The following FGF14 variants were observed in gnomAD, a reference collection of about 807,000 sequenced individuals.
FGF14 encodes fibroblast growth factor homologous factor 4.
A neutral mutation model predicts 25.5 loss-of-function variants in FGF14; 5 were observed. The ratio of observed to expected loss-of-function variants is 0.20; its 90% CI spans 0.10 to 0.41. The LOEUF (loss-of-function observed/expected upper bound fraction) is 0.41, where lower values mean the gene tolerates loss of function less well. Among genes scored for constraint, FGF14 ranks in the 10% least tolerant of loss-of-function variants. The probability of loss-of-function intolerance (pLI) is 1.00; values close to 1 mark genes in which losing one functional copy is unlikely to be tolerated. For synonymous variants in FGF14, 138 were observed against 118.3 expected (o/e 1.17, Z -1.08); for missense variants, 222 against 320.1 (o/e 0.69, Z 2.34).
At chr13:102,289,855 G>A (rs2054290148) in intron 1 of FGF14, among the ~76,000 whole-genome samples, 1 of 152,062 alleles carries the variant, frequency 6.6e-6, no homozygotes, top group African/African-American at 2.4e-5. Context: ...CCTTGTTCGT[G>A]TGTGAATGAT....
chr13:102,051,271 T>C (rs1229460411), intron 1 of FGF14, among the ~76,000 whole-genome samples: 1 of 152,192 alleles, frequency 6.6e-6, no homozygotes, highest in Non-Finnish European at 1.5e-5. Context: ...GTGATCTCAT[T>C]TCCAGATCTC....
chr13:102,159,641 T>C (rs1460673021), intron 1 of FGF14, among the ~76,000 whole-genome samples: 5 of 152,192 alleles, frequency 3.3e-5, no homozygotes, highest in Admixed American at 6.5e-5. Flanking sequence ...CTTATTGCCT[T>C]ATGAGATCCT....
At chr13:101,985,778 C>A (rs2038541173) in intron 1 of FGF14, among the ~76,000 whole-genome samples, 1 of 152,008 alleles carries the variant, frequency 6.6e-6, no homozygotes, top group South Asian at 2.1e-4. Flanking sequence ...AAACTATAAA[C>A]TGAATAAGCT....
At chr13:101,757,053 G>A (rs1217541088) in intron 3 of FGF14, among the ~76,000 whole-genome samples, 1 of 152,080 alleles carries the variant, frequency 6.6e-6, no homozygotes, top group Non-Finnish European at 1.5e-5. Context: ...TTTAGCAGAG[G>A]AGTTATAACA....
At position 102,326,746 on chromosome 13, in the gene FGF14, GGAAGGAAAGAGGGAGGGAAGGAAGGAAGA is replaced by G. The variant is rs1344759103; in HGVS notation, c.208+74696_208+74724del. Among the ~76,000 whole-genome samples, 223 of 93,932 alleles carry G rather than the reference GGAAGGAAAGAGGGAGGGAAGGAAGGAAGA, an allele frequency of 2.4e-3. 7 individuals are homozygous for G. The highest frequency in any genetic ancestry group is 8.5e-3 in the African/African-American group (196 of 22,994). The allele number at this position is 93,932 out of a possible 152,430, so 61.6% of individuals were successfully genotyped here. A position where few individuals can be genotyped will look rare whatever the true frequency, so the allele number is the denominator to read the frequency against. On this transcript the variant is annotated intron_variant, in intron 1 of 4. Coordinates refer to the FGF14 transcript ENST00000376131. ...AGGAAGGAAGGAAGGAAGGAAGGAA[GGAAGGAAAGAGGGAGGGAAGGAAGGAAGA>G]AAAAAAAGGAAGGAAGGAAGGAAGG...
intron 1 of FGF14, among the ~76,000 whole-genome samples, chr13:102,026,760 TC>T (rs1208944757): frequency 6.6e-6 from 1 of 151,990 alleles, no homozygotes; most frequent in Non-Finnish European, 1.5e-5. Context: ...ACTTTAATTT[TC>T]CCTTATTTTG....
chr13:102,118,920 C>T (rs2045594167), intron 1 of FGF14, among the ~76,000 whole-genome samples: 1 of 152,104 alleles, frequency 6.6e-6, no homozygotes, highest in African/African-American at 2.4e-5. Flanking sequence ...TATGCCTTTA[C>T]CTTTACGTTG....
chr13:102,207,316 G>GA (rs955702475), intron 1 of FGF14, among the ~76,000 whole-genome samples: 6 of 151,060 alleles, frequency 4.0e-5, no homozygotes, highest in East Asian at 3.9e-4. Context: ...AAGAAAAAAA[G>GA]AAAAAAACTC....
chr13:102,350,937 G>A (rs1052435295), intron 1 of FGF14, among the ~76,000 whole-genome samples: 7 of 152,154 alleles, frequency 4.6e-5, no homozygotes, highest in Non-Finnish European at 8.8e-5. Flanking sequence ...GCTTCAGGGA[G>A]CAACAGATTC....
chr13:102,044,722 A>G (rs1053882770), intron 1 of FGF14, among the ~76,000 whole-genome samples: 1 of 152,134 alleles, frequency 6.6e-6, no homozygotes, highest in African/African-American at 2.4e-5. Context: ...ACAATCTCAA[A>G]TTACCTTCCA....
chr13:102,196,624 T>C (rs748719023), intron 1 of FGF14, among the ~76,000 whole-genome samples: 1 of 152,380 alleles, frequency 6.6e-6, no homozygotes, highest in Admixed American at 6.5e-5. Context: ...ATGTTCACAA[T>C]GTTGAATGAT....
At chr13:102,049,693 CT>C (rs1419534556) in intron 1 of FGF14, among the ~76,000 whole-genome samples, 1 of 151,988 alleles carries the variant, frequency 6.6e-6, no homozygotes, top group Non-Finnish European at 1.5e-5. Flanking sequence ...GAATATGCCC[CT>C]AATGCAATAT....
chr13:102,139,483 A>G lies in FGF14; in HGVS notation c.208+261988T>C, dbSNP rs2046547028. ...AATGATTAATGATAAAATATGTAAA[A>G]TGCTTAGCAAAAGAGATTAGCTAAT... is the stretch of plus-strand genomic sequence containing the variant. On this transcript the variant is annotated intron_variant, in intron 1 of 4. Transcript: ENST00000376131. 2.0e-5 allele frequency among the ~76,000 whole-genome samples: 3 copies of G among 152,192 alleles called. No homozygotes were observed. The South Asian group carries it at 6.2e-4, about 32-fold the overall frequency.
chr13:101,913,982 T>C (rs975364206), intron 1 of FGF14, among the ~76,000 whole-genome samples: 2 of 152,206 alleles, frequency 1.3e-5, no homozygotes, highest in Non-Finnish European at 2.9e-5. Flanking sequence ...TATGTATATA[T>C]AATACCTGCT....
intron 1 of FGF14, among the ~76,000 whole-genome samples, chr13:101,986,137 T>A (rs1160471814): frequency 1.3e-5 from 2 of 152,148 alleles, no homozygotes; most frequent in Admixed American, 6.6e-5. Context: ...TATTTAGGTC[T>A]ATTATAAGAT....
intron 1 of FGF14, among the ~76,000 whole-genome samples, chr13:102,050,131 AG>A (rs1331010740): frequency 6.6e-6 from 1 of 152,230 alleles, no homozygotes; most frequent in African/African-American, 2.4e-5. Flanking sequence ...GCAAAGTCCA[AG>A]GTACTTTATT....
intron 1 of FGF14, among the ~76,000 whole-genome samples, chr13:101,964,589 T>A (rs2037069865): frequency 6.6e-6 from 1 of 152,004 alleles, no homozygotes; most frequent in Admixed American, 6.6e-5. Flanking sequence ...ATCCAGAGAG[T>A]ATCACTGAGC....
At chr13:101,770,766 G>A (rs2038717241) in intron 3 of FGF14, among the ~76,000 whole-genome samples, 1 of 152,026 alleles carries the variant, frequency 6.6e-6, no homozygotes, top group Admixed American at 6.6e-5. Flanking sequence ...TTAATTTGGA[G>A]CAAATGGACA....
chr13:101,764,633 G>T (rs2038264049), intron 3 of FGF14, among the ~76,000 whole-genome samples: 1 of 152,058 alleles, frequency 6.6e-6, no homozygotes, highest in Non-Finnish European at 1.5e-5. Context: ...GGCCTTTTGG[G>T]CCATGTCATT....
Sources: allele counts gnomAD v4.1 joint callset (sites outside exome capture counted in the v4.1 genomes callset), GRCh38; gene constraint gnomAD v4.1.1; transcripts MANE v1.5; gene names NCBI Gene and HGNC (gene_info 2026-07-23, HGNC 2026-07-21).